The following SACM1L variants were observed in gnomAD, a reference collection of about 807,000 sequenced individuals.
SACM1L encodes phosphatidylinositol-3-phosphatase SAC1.
In SACM1L, 32 loss-of-function variants were observed where a neutral mutation model predicts 89.5. The observed-to-expected ratio is 0.36, with a 90% confidence interval of 0.27 to 0.48. The LOEUF is 0.48. Among genes scored for constraint, SACM1L ranks in the 20% least tolerant of loss-of-function variants. The pLI is 0.99. For synonymous variants in SACM1L, 213 were observed against 232.8 expected (o/e 0.92, Z 0.77); for missense variants, 543 against 708.5 (o/e 0.77, Z 2.65).
chr3:45,700,975 A>AT (rs758109182), intron 1 of SACM1L, among the ~76,000 whole-genome samples: 1 of 152,300 alleles, frequency 6.6e-6, no homozygotes, highest in South Asian at 2.1e-4. Context: ...CCCAGCCTCT[A>AT]TCTCTTTTTA....
chr3:45,706,950 T>A, intron 4 of SACM1L, 43 bp downstream of exon 4: 1 of 1,593,956 alleles, frequency 6.3e-7, no homozygotes. Context: ...CCCAAAGAAG[T>A]AGCATGGGCT....
At chr3:45,709,714 T>C (rs1013040450) in intron 5 of SACM1L, 67 bp downstream of exon 5, 2 of 1,366,572 alleles carry the variant, frequency 1.5e-6, no homozygotes, top group East Asian at 2.4e-5. Context: ...GTTTCATGCA[T>C]AAAAATTTAT....
At chr3:45,692,116 T>C (rs1371129939) in intron 1 of SACM1L, among the ~76,000 whole-genome samples, 1 of 152,208 alleles carries the variant, frequency 6.6e-6, no homozygotes, top group Non-Finnish European at 1.5e-5. Context: ...TCCTCTCTGT[T>C]CTCTTTACAT....
rs1293220469 is a variant in SACM1L at position 45,735,360 on chromosome 3, A to G, written c.1226A>G (p.Gln409Arg). 5.9e-6 allele frequency: 9 copies of G among 1,537,162 alleles called. No homozygotes were observed. Among genetic ancestry groups the G allele is most frequent in the Non-Finnish European group, 7.0e-6 (8 of 1,145,694 alleles). The change falls in exon 14 of 20, where the codon CAG (glutamine) becomes CGG (arginine). Residue 409 changes from glutamine to arginine, a missense_variant. Physicochemically the swap from Gln to Arg is conservative, Grantham distance 43 (BLOSUM62 1). Transcript: ENST00000389061. ...AGTTTGTTAGCTCGTCGTTCACTTC[A>G]GGCCCAACTTCAGGTGCGAATGCTT... ...IQSLLARRSL[Q>R]AQLQRLGVLH...
At chr3:45,723,434 A>G (rs370407033) in intron 10 of SACM1L, 41 bp from the exon 11 acceptor site, 25 of 824,520 alleles carry the variant, frequency 3.0e-5, no homozygotes, top group African/African-American at 1.6e-4. Flanking sequence ...TATAAATTAC[A>G]TAATGTACTC....
intron 11 of SACM1L, among the ~76,000 whole-genome samples, chr3:45,725,632 G>T (rs1001456093): frequency 6.7e-6 from 1 of 149,904 alleles, no homozygotes; most frequent in Non-Finnish European, 1.5e-5. Context: ...ATATAAGATC[G>T]TGTCACCTGT....
At chr3:45,733,883 G>GTTTGC (rs912890196) in intron 13 of SACM1L, among the ~76,000 whole-genome samples, 5 of 152,154 alleles carry the variant, frequency 3.3e-5, no homozygotes, top group African/African-American at 1.2e-4. Context: ...CAAACAGATA[G>GTTTGC]TTTGCTTCCT....
intron 4 of SACM1L, 55 bp downstream of exon 4, chr3:45,706,962 G>A: frequency 1.9e-6 from 3 of 1,553,408 alleles, no homozygotes; most frequent in African/African-American, 1.4e-5. Flanking sequence ...GCATGGGCTG[G>A]GGAGAGGAGG....
intron 7 of SACM1L, among the ~76,000 whole-genome samples, chr3:45,718,856 A>G (rs561079517): frequency 3.3e-5 from 5 of 152,176 alleles, no homozygotes; most frequent in Non-Finnish European, 7.4e-5. Context: ...GAAGTGTCCT[A>G]TACCATATAC....
chr3:45,713,206 A>C lies in SACM1L; in HGVS notation c.543+10A>C, dbSNP rs376744465. The C allele has an allele frequency of 5.0e-6, 8 of 1,604,976 alleles. No individual in the cohort carries two copies. Among genetic ancestry groups the C allele is most frequent in the Middle Eastern group, 1.7e-4 (1 of 6,040 alleles). ...TTCTGCACAGCCAGAGGTAATGTAC[A>C]CGAAATAAAATCTGCTTAATTGTTA... is the stretch of plus-strand genomic sequence containing the variant. On this transcript the variant is annotated intron_variant, in intron 6 of 19. Coordinates refer to ENST00000389061, the MANE Select transcript of SACM1L (RefSeq NM_014016.5).
In SACM1L at chr3:45,689,493, A is replaced by G. The variant is rs1378965589; in HGVS notation, c.28A>G (p.Lys10Glu). The G allele has an allele frequency of 1.3e-6, 2 of 1,580,296 alleles. No individual in the cohort carries two copies. Among genetic ancestry groups the G allele is most frequent in the Admixed American group, 1.9e-5 (1 of 54,014 alleles). The change falls in exon 1 of 20, where the codon AAG becomes GAG. Residue 10 changes from lysine to glutamate, a missense_variant. Lys to Glu is a moderately conservative substitution (Grantham distance 56, BLOSUM62 1). Coordinates refer to ENST00000389061, the MANE Select transcript of SACM1L (RefSeq NM_014016.5). ...GGCGACGGCGGCCTACGAGCAGCTG[A>G]AGCTGTGAGTCCCACGGGCCAGAGG... MATAAYEQL[K>E]LHITPEKFYV...
intron 9 of SACM1L, among the ~76,000 whole-genome samples, chr3:45,722,378 G>T (rs1425384874): frequency 1.3e-5 from 2 of 152,020 alleles, no homozygotes; most frequent in African/African-American, 4.8e-5. Context: ...TGTATTAAGG[G>T]CAGTGATGAT....
At position 45,722,024 on chromosome 3, in the gene SACM1L, CT is replaced by C; in HGVS notation, c.705del (p.Asn236ThrfsTer3). 6.2e-7 allele frequency: 1 copy of C among 1,612,070 alleles called. No homozygotes were observed. Among genetic ancestry groups the C allele is most frequent in the South Asian group, 1.1e-5 (1 of 90,734 alleles). ...VRGIDSEGHA[A>X]NFVETEQIVH... ...GGAATTGATTCGGAAGGCCATGCAGCTAACTTTGTAGAAACAGAACAAATTG... is the reference window on the plus strand; with the variant it reads ...GGAATTGATTCGGAAGGCCATGCAGCAACTTTGTAGAAACAGAACAAATTG... On this transcript the variant is annotated frameshift_variant, in exon 9 of 20. Transcript: ENST00000389061. LOFTEE classifies it high-confidence loss of function.
At chr3:45,703,669 C>G in intron 2 of SACM1L, 134 bp downstream of exon 2, 1 of 509,122 alleles carries the variant, frequency 2.0e-6, no homozygotes, top group Non-Finnish European at 3.5e-6. Flanking sequence ...TTTATTCTTG[C>G]TACCTCATTC....
intron 19 of SACM1L, among the ~76,000 whole-genome samples, chr3:45,742,248 C>T (rs929783404): frequency 1.3e-5 from 2 of 152,090 alleles, no homozygotes; most frequent in Non-Finnish European, 2.9e-5. Flanking sequence ...TATGCAAATT[C>T]GAGTATATTT....
chr3:45,717,150 G>C (rs1233566561), intron 7 of SACM1L, among the ~76,000 whole-genome samples: 1 of 152,156 alleles, frequency 6.6e-6, no homozygotes, highest in Non-Finnish European at 1.5e-5. Context: ...ATGATACCAG[G>C]TAATAGAGAT....
intron 1 of SACM1L, among the ~76,000 whole-genome samples, chr3:45,698,249 A>G (rs927322882): frequency 6.6e-6 from 1 of 152,232 alleles, no homozygotes; most frequent in Non-Finnish European, 1.5e-5. Flanking sequence ...GCATATATGT[A>G]GGTGCCGTGA....
intron 5 of SACM1L, among the ~76,000 whole-genome samples, chr3:45,710,031 T>C (rs1468164120): frequency 6.6e-6 from 1 of 152,190 alleles, no homozygotes; most frequent in African/African-American, 2.4e-5. Flanking sequence ...TAACTCTCAG[T>C]GTTCGGTAGT....
At chr3:45,712,810 T>TTAG (rs10646823) in intron 5 of SACM1L, among the ~76,000 whole-genome samples, 73,165 of 151,754 alleles carry the variant, frequency 0.48, 18,147 homozygotes, top group Middle Eastern at 0.57. Context: ...GGAAGGTGTG[T>TTAG]TAGTTAGGCT....
Sources: allele counts gnomAD v4.1 joint callset (sites outside exome capture counted in the v4.1 genomes callset), GRCh38; gene constraint gnomAD v4.1.1; transcripts MANE v1.5; gene names NCBI Gene and HGNC (gene_info 2026-07-23, HGNC 2026-07-21).